The following UCK2 variants were observed in gnomAD, a reference collection of about 807,000 sequenced individuals.
The protein encoded by UCK2 is cytidine monophosphokinase 2.
In UCK2, 6 loss-of-function variants were observed where a neutral mutation model predicts 30.8. The observed-to-expected ratio is 0.19, with a 90% CI of 0.11 to 0.38. The LOEUF (loss-of-function observed/expected upper bound fraction) is 0.38. Ranked by LOEUF, UCK2 falls within the 10% of genes least tolerant of loss-of-function variation. UCK2 has a pLI of 1.00. For missense variants in UCK2, 210 were observed against 339.8 expected, an observed-to-expected ratio of 0.62 and a Z score of 3.00; for synonymous variants, 125 against 133.6, an observed-to-expected ratio of 0.94 and a Z score of 0.45.
At chr1:165,879,956 G>A (rs1557843699) in intron 1 of UCK2, among the ~76,000 whole-genome samples, 1 of 152,158 alleles carries the variant, frequency 6.6e-6, no homozygotes, top group Non-Finnish European at 1.5e-5. Context: ...GGGTGCTGGA[G>A]GAGAAATTAA....
chr1:165,861,002 C>T (rs550236598), intron 1 of UCK2, among the ~76,000 whole-genome samples: 1 of 152,202 alleles, frequency 6.6e-6, no homozygotes, highest in African/African-American at 2.4e-5. Flanking sequence ...TTATAAACAA[C>T]AGGAATTTAT....
intron 3 of UCK2, chr1:165,895,904 G>T: frequency 3.3e-6 from 1 of 299,598 alleles, no homozygotes; most frequent in South Asian, 9.6e-5. Context: ...TCAACAGCAG[G>T]TTTTTTTAAT....
At chr1:165,879,602 A>G (rs1655430703) in intron 1 of UCK2, among the ~76,000 whole-genome samples, 4 of 143,066 alleles carry the variant, frequency 2.8e-5, no homozygotes. Context: ...CTGAAAATTT[A>G]TGATGACTTC....
intron 1 of UCK2, among the ~76,000 whole-genome samples, chr1:165,882,021 G>A (rs747721507): frequency 1.3e-5 from 2 of 152,184 alleles, no homozygotes; most frequent in Non-Finnish European, 2.9e-5. Flanking sequence ...TCTGTTGTGG[G>A]GAATCTTTCA....
chr1:165,863,923 T>C (rs1654981926), intron 1 of UCK2, among the ~76,000 whole-genome samples: 1 of 152,258 alleles, frequency 6.6e-6, no homozygotes, highest in South Asian at 2.1e-4. Context: ...AGTCACCTTA[T>C]GTGTTTTATA....
intron 1 of UCK2, among the ~76,000 whole-genome samples, chr1:165,872,542 G>T (rs1003053830): frequency 3.3e-5 from 5 of 152,180 alleles, no homozygotes; most frequent in African/African-American, 1.2e-4. Context: ...AAAAAATGCA[G>T]ATTCTTTGCC....
intron 1 of UCK2, among the ~76,000 whole-genome samples, chr1:165,829,814 TCCG>T (rs1653998204): frequency 6.6e-6 from 1 of 152,104 alleles, no homozygotes; most frequent in Non-Finnish European, 1.5e-5. Flanking sequence ...AAAGGAAGGG[TCCG>T]TTTTTCTGCA....
chr1:165,858,720 G>A (rs1225867968), intron 1 of UCK2, among the ~76,000 whole-genome samples: 1 of 152,124 alleles, frequency 6.6e-6, no homozygotes, highest in African/African-American at 2.4e-5. Context: ...TCTGGACCCT[G>A]AGCCATAGGA....
intron 2 of UCK2, 134 bp from the exon 3 acceptor site, chr1:165,891,092 C>A: frequency 1.3e-6 from 1 of 764,324 alleles, no homozygotes; most frequent in Non-Finnish European, 2.1e-6. Context: ...AAAAATCCAG[C>A]TTTTTAGGGA....
chr1:165,896,695 A>G (rs933853412), intron 4 of UCK2, among the ~76,000 whole-genome samples: 1 of 152,226 alleles, frequency 6.6e-6, no homozygotes, highest in African/African-American at 2.4e-5. Flanking sequence ...GATTTGGGGA[A>G]CTAACTGTAG....
chr1:165,843,933 T>C (rs1288425677), intron 1 of UCK2, among the ~76,000 whole-genome samples: 1 of 152,230 alleles, frequency 6.6e-6, no homozygotes, highest in Admixed American at 6.5e-5. Context: ...ATTGTTTATC[T>C]CTTTTCAATG....
At chr1:165,907,487 T>A (rs923288200) in intron 6 of UCK2, among the ~76,000 whole-genome samples, 197 bp from the exon 7 acceptor site, 1 of 152,166 alleles carries the variant, frequency 6.6e-6, no homozygotes, top group Non-Finnish European at 1.5e-5. Context: ...CTTAGAGCCC[T>A]CCTGTGAAGG....
At chr1:165,855,359 A>G (rs956532900) in intron 1 of UCK2, among the ~76,000 whole-genome samples, 8 of 152,252 alleles carry the variant, frequency 5.3e-5, no homozygotes, top group Admixed American at 3.3e-4. Flanking sequence ...TAAGGTGCTT[A>G]TATATAGCAA....
intron 1 of UCK2, among the ~76,000 whole-genome samples, chr1:165,886,423 C>T (rs1571292096): frequency 6.6e-6 from 1 of 151,974 alleles, no homozygotes; most frequent in Non-Finnish European, 1.5e-5. Context: ...GCCTGCCACA[C>T]GTAGCTGGGA....
intron 1 of UCK2, among the ~76,000 whole-genome samples, chr1:165,866,304 A>G (rs935472760): frequency 6.6e-6 from 1 of 152,178 alleles, no homozygotes; most frequent in African/African-American, 2.4e-5. Context: ...CCCCTGCCCA[A>G]TTGTGGTTTC....
intron 1 of UCK2, among the ~76,000 whole-genome samples, chr1:165,881,205 A>AG (rs1655493448): frequency 6.6e-6 from 1 of 150,596 alleles, no homozygotes; most frequent in African/African-American, 2.4e-5. Flanking sequence ...AAAAAAAAAA[A>AG]AGAGATGATG....
chr1:165,879,545 T>TTTTTTATTATTATTATTA (rs1553199403), intron 1 of UCK2, among the ~76,000 whole-genome samples: 7 of 146,836 alleles, frequency 4.8e-5, no homozygotes, highest in Non-Finnish European at 7.5e-5. Flanking sequence ...ATGTTTGCTT[T>TTTTTTATTATTATTATTA]TTATTATTAT....
rs1647518433 is a variant in UCK2 at position 165,902,619 on chromosome 1, T to TTTTTTTTTTTTTTTTG, written c.500-563_500-562insTTTTTTTTTTTTTTTG. 1.6e-5 allele frequency: 2 copies of TTTTTTTTTTTTTTTTG among 128,408 alleles called. 1 individual carries two copies. Among genetic ancestry groups the TTTTTTTTTTTTTTTTG allele is most frequent in the Non-Finnish European group, 3.4e-5 (2 of 59,672 alleles). 8.0% of individuals were successfully genotyped at this position (128,408 alleles called of 1,614,324 possible). On this transcript the variant is annotated intron_variant, in intron 4 of 6. Transcript: ENST00000367879. ...TTTTTTTTTTTTTTTTTTTTTTTTTTGGCAAACCTCTGTGCATGAGGTAGG... is the reference window on the plus strand; with the variant it reads ...TTTTTTTTTTTTTTTTTTTTTTTTTTTTTTTTTTTTTTTTTGGGCAAACCTCTGTGCATGAGGTAGG...
intron 1 of UCK2, among the ~76,000 whole-genome samples, chr1:165,867,449 AATC>A (rs1655074270): frequency 6.6e-6 from 1 of 152,216 alleles, no homozygotes; most frequent in Non-Finnish European, 1.5e-5. Context: ...TCGACCCAGC[AATC>A]AAAAAATAAA....
Sources: gnomAD v4.1 joint callset for allele counts (sites outside exome capture counted in the v4.1 genomes callset) on GRCh38, gnomAD v4.1.1 for gene constraint, MANE v1.5 for transcripts, NCBI Gene and HGNC (gene_info 2026-07-23, HGNC 2026-07-21) for gene names.